Variants in GPC6 observed in about 807,000 individuals in gnomAD.
The protein encoded by GPC6 is glypican 6, also known as glypican-6.
Under a neutral mutation model 55.2 loss-of-function variants are expected in GPC6, and 14 were observed. The observed-to-expected ratio is 0.25, with a 90% CI of 0.17 to 0.40. The LOEUF (loss-of-function observed/expected upper bound fraction) is 0.40. GPC6 is among the 10% of genes least tolerant of loss of function. The probability of loss-of-function intolerance (pLI) is 1.00; values close to 1 mark genes in which losing one functional copy is unlikely to be tolerated. For synonymous variants in GPC6, 278 were observed against 259.6 expected, an observed-to-expected ratio of 1.07 and a Z score of -0.68; for missense variants, 641 against 708.5, an observed-to-expected ratio of 0.90 and a Z score of 1.08.
At chr13:93,632,533 TG>T (rs1879492364) in intron 2 of GPC6, among the ~76,000 whole-genome samples, 2 of 88,108 alleles carry the variant, frequency 2.3e-5, no homozygotes, top group South Asian at 3.8e-4. Flanking sequence ...CACCTGAGCC[TG>T]GGTATGTTGA....
chr13:93,322,679 A>C (rs904377148), intron 1 of GPC6, among the ~76,000 whole-genome samples: 12 of 151,696 alleles, frequency 7.9e-5, no homozygotes, highest in African/African-American at 2.7e-4. Flanking sequence ...ACCTCAGGTG[A>C]TCCGCCCGCC....
intron 1 of GPC6, among the ~76,000 whole-genome samples, chr13:93,232,099 CTT>C (rs5805794): frequency 6.8e-6 from 1 of 147,072 alleles, no homozygotes; most frequent in African/African-American, 2.5e-5. Flanking sequence ...ATTTACACAA[CTT>C]TTTTTTTTTT....
At chr13:93,935,843 C>T (rs192751779) in intron 3 of GPC6, among the ~76,000 whole-genome samples, 8 of 152,302 alleles carry the variant, frequency 5.3e-5, no homozygotes, top group Admixed American at 2.6e-4. Flanking sequence ...CTGCTTCAGT[C>T]ACTTGTGGTG....
intron 1 of GPC6, among the ~76,000 whole-genome samples, chr13:93,259,926 T>C (rs531100825): frequency 1.3e-5 from 2 of 152,194 alleles, no homozygotes; most frequent in East Asian, 1.9e-4. Flanking sequence ...TCAAAAGCAC[T>C]AAGAGAATAA....
chr13:93,379,958 CAAA>C (rs58011385), intron 1 of GPC6, among the ~76,000 whole-genome samples: 98 of 129,190 alleles, frequency 7.6e-4, no homozygotes, highest in East Asian at 2.0e-3. Flanking sequence ...AATTCTGTCT[CAAA>C]AAAAAAAAAA....
At chr13:94,354,333 C>T (rs896496216) in intron 6 of GPC6, among the ~76,000 whole-genome samples, 1 of 148,350 alleles carries the variant, frequency 6.7e-6, no homozygotes, top group Admixed American at 6.7e-5. Flanking sequence ...ACTCAGCTCA[C>T]TGTCAAAAAA....
chr13:93,851,999 A>G (rs1028636865), intron 3 of GPC6, among the ~76,000 whole-genome samples: 2 of 151,820 alleles, frequency 1.3e-5, no homozygotes, highest in East Asian at 1.9e-4. Flanking sequence ...AGAATAGTCT[A>G]TAATATCACA....
chr13:93,257,776 A>G (rs1456941600), intron 1 of GPC6, among the ~76,000 whole-genome samples: 1 of 152,188 alleles, frequency 6.6e-6, no homozygotes, highest in African/African-American at 2.4e-5. Context: ...CCCACATACA[A>G]AACTACTATC....
At chr13:93,556,392 G>A (rs868831840) in intron 2 of GPC6, among the ~76,000 whole-genome samples, 9,186 of 118,598 alleles carry the variant, frequency 0.077, 405 homozygotes, top group East Asian at 0.25. Flanking sequence ...GTGTGTGTGT[G>A]TGTATGTATG....
Position 94,259,422 on chromosome 13 carries a change from A to C in GPC6, c.878-26927A>C, listed in dbSNP as rs369363249. ...GGGCTGGTAGTCTCTAAGGTGATCCAGTTAGACAACTCTAGGCTGGGCTGC... is the reference window on the plus strand; with the variant it reads ...GGGCTGGTAGTCTCTAAGGTGATCCCGTTAGACAACTCTAGGCTGGGCTGC... On this transcript the variant is annotated intron_variant, in intron 4 of 8. Coordinates refer to ENST00000377047, the MANE Select transcript of GPC6 (RefSeq NM_005708.5). 5.9e-5 allele frequency among the ~76,000 whole-genome samples: 9 copies of C among 152,356 alleles called. 1 individual carries two copies. Among genetic ancestry groups the C allele is most frequent in the African/African-American group, 2.2e-4 (9 of 41,580 alleles).
At chr13:93,536,689 GAAC>G (rs1262982519) in intron 1 of GPC6, among the ~76,000 whole-genome samples, 1 of 152,132 alleles carries the variant, frequency 6.6e-6, no homozygotes, top group Non-Finnish European at 1.5e-5. Flanking sequence ...CCCATAGCTT[GAAC>G]AACACCAATT....
intron 3 of GPC6, among the ~76,000 whole-genome samples, chr13:93,954,017 A>G (rs1177555822): frequency 1.3e-5 from 2 of 152,146 alleles, no homozygotes; most frequent in East Asian, 1.9e-4. Flanking sequence ...GAACATTTTT[A>G]TCATCCCAAA....
At chr13:93,455,367 A>G (rs1296394733) in intron 1 of GPC6, among the ~76,000 whole-genome samples, 1 of 152,028 alleles carries the variant, frequency 6.6e-6, no homozygotes, top group Non-Finnish European at 1.5e-5. Context: ...TTATTTCCAA[A>G]CGAAGGAAAA....
intron 4 of GPC6, among the ~76,000 whole-genome samples, chr13:94,232,655 G>T (rs1422771334): frequency 6.6e-6 from 1 of 152,100 alleles, no homozygotes; most frequent in Admixed American, 6.5e-5. Context: ...CAAGTGTGAA[G>T]AGCTTATGGA....
intron 4 of GPC6, among the ~76,000 whole-genome samples, chr13:94,196,694 T>C (rs1424737056): frequency 3.3e-5 from 5 of 152,182 alleles, no homozygotes; most frequent in African/African-American, 1.2e-4. Context: ...CAAAACCACT[T>C]GGTGTTACGA....
chr13:93,396,424 G>A (rs952807909), intron 1 of GPC6, among the ~76,000 whole-genome samples: 1 of 152,008 alleles, frequency 6.6e-6, no homozygotes, highest in Admixed American at 6.6e-5. Context: ...TTAACCAGGC[G>A]TGGTGGCGGG....
At chr13:94,012,464 T>C (rs530811647) in intron 3 of GPC6, among the ~76,000 whole-genome samples, 5 of 152,314 alleles carry the variant, frequency 3.3e-5, no homozygotes, top group Non-Finnish European at 7.3e-5. Context: ...ATAGCATTAA[T>C]GCAACCTGGC....
chr13:93,289,712 T>C (rs556317251), intron 1 of GPC6, among the ~76,000 whole-genome samples: 22 of 152,162 alleles, frequency 1.4e-4, no homozygotes, highest in Non-Finnish European at 2.6e-4. Context: ...GCACATTTTA[T>C]TTTATTTTGA....
intron 1 of GPC6, among the ~76,000 whole-genome samples, chr13:93,473,826 C>G (rs1879211494): frequency 6.6e-6 from 1 of 152,208 alleles, no homozygotes; most frequent in Admixed American, 6.5e-5. Flanking sequence ...AGTGGCGACA[C>G]AGGGCCGAAT....
Sources: allele counts gnomAD v4.1 joint callset (sites outside exome capture counted in the v4.1 genomes callset), GRCh38; gene constraint gnomAD v4.1.1; transcripts MANE v1.5; gene names NCBI Gene and HGNC (gene_info 2026-07-23, HGNC 2026-07-21).